Variants in ABCB10 observed in about 807,000 individuals in gnomAD.
ABCB10 encodes the protein ATP-binding cassette sub-family B member 10, mitochondrial.
Under a neutral mutation model 65.4 loss-of-function variants are expected in ABCB10, and 54 were observed. That is an observed-to-expected ratio of 0.83 (90% CI 0.66 to 1.04). The LOEUF (loss-of-function observed/expected upper bound fraction) is 1.04, where lower values mean the gene tolerates loss of function less well. Among genes scored for constraint, ABCB10 ranks in the 50% least tolerant of loss-of-function variants. The pLI is 0.00. For synonymous variants in ABCB10, 418 were observed against 406.5 expected (o/e 1.03, Z -0.34); for missense variants, 846 against 976.6 (o/e 0.87, Z 1.78).
intron 3 of ABCB10, 106 bp from the exon 4 acceptor site, chr1:229,542,477 G>A (rs1427116308): frequency 1.5e-6 from 2 of 1,348,314 alleles, no homozygotes; most frequent in African/African-American, 1.5e-5. Context: ...CTGTGTGTGT[G>A]TGTGTTTAAA....
In ABCB10 at chr1:229,557,197, G is replaced by A. The variant is rs144061261; in HGVS notation, c.517+939C>T. On this transcript the variant is annotated intron_variant, in intron 1 of 12. Transcript: ENST00000344517. ...TCTAAAGCAATGGATTTGCAGCAAA[G>A]AATGCTTTTCTGGTGTTGCACCTGA... 4.6e-5 allele frequency among the ~76,000 whole-genome samples: 7 copies of A among 150,974 alleles called. No homozygotes were observed. The East Asian group carries it at 9.7e-4, about 21-fold the overall frequency.
chr1:229,533,872 G>A (rs1679875958), intron 6 of ABCB10, among the ~76,000 whole-genome samples: 1 of 151,612 alleles, frequency 6.6e-6, no homozygotes, highest in Non-Finnish European at 1.5e-5. Context: ...CCTTGAATTT[G>A]GTGATGACTT....
Position 229,540,754 on chromosome 1 carries a change from T to C in ABCB10, c.1057-2A>G. Reference sequence around the variant, plus strand: ...ATTTCCAATACGTTCCTCAGCTAGCTGGGAGAATAATAAATACATTTCAGG... The same window carrying C: ...ATTTCCAATACGTTCCTCAGCTAGCCGGGAGAATAATAAATACATTTCAGG... On this transcript the variant is annotated splice_acceptor_variant, in intron 4 of 12. Coordinates refer to ENST00000344517, the MANE Select transcript of ABCB10 (RefSeq NM_012089.3). LOFTEE classifies it high-confidence loss of function. 6.2e-7 allele frequency: 1 copy of C among 1,611,438 alleles called. No homozygotes were observed. Among genetic ancestry groups the C allele is most frequent in the Non-Finnish European group, 8.5e-7 (1 of 1,179,346 alleles).
chr1:229,558,681 C>G lies in ABCB10; in HGVS notation c.-29G>C. ...GCTGCGTGCGACCCGTACGCCTCAG[C>G]CCGCCGGCCAGGCGCGCGCAAAGCC... On this transcript the variant is annotated 5_prime_UTR_variant, in exon 1 of 13. Coordinates refer to ENST00000344517, the MANE Select transcript of ABCB10 (RefSeq NM_012089.3). 7.9e-7 allele frequency: 1 copy of G among 1,266,876 alleles called. No individual in the cohort carries two copies. Among genetic ancestry groups the G allele is most frequent in the South Asian group, 2.5e-5 (1 of 40,640 alleles). 78.5% of individuals were successfully genotyped at this position (1,266,876 alleles called of 1,614,324 possible). A position where few individuals can be genotyped will look rare whatever the true frequency, so the allele number is the denominator to read the frequency against.
intron 1 of ABCB10, chr1:229,550,019 G>C (rs1021242420): frequency 5.2e-5 from 8 of 152,468 alleles, no homozygotes; most frequent in African/African-American, 9.7e-5. Context: ...AGGTGCTGCA[G>C]GCTTTAAACA....
At position 229,516,863 on chromosome 1, in the gene ABCB10, CATTA is replaced by C. The variant is rs1401234874; in HGVS notation, c.*1312_*1315del. The C allele has an allele frequency of 2.0e-5, 3 of 152,120 alleles. No homozygotes were observed. Among genetic ancestry groups the C allele is most frequent in the Admixed American group, 6.5e-5 (1 of 15,276 alleles). 9.4% of individuals were successfully genotyped at this position (152,120 alleles called of 1,614,324 possible). ...TATATTCATTCATATCAATTTTATT[CATTA>C]ATTATGAACAATAAAATATAATATT... On this transcript the variant is annotated 3_prime_UTR_variant, in exon 13 of 13. Coordinates refer to ENST00000344517, the MANE Select transcript of ABCB10 (RefSeq NM_012089.3).
chr1:229,541,276 G>C (rs1277908841), intron 4 of ABCB10, among the ~76,000 whole-genome samples: 1 of 152,018 alleles, frequency 6.6e-6, no homozygotes, highest in African/African-American at 2.4e-5. Flanking sequence ...ACCCAGGCTG[G>C]AGTGCAATGG....
intron 1 of ABCB10, among the ~76,000 whole-genome samples, chr1:229,554,728 C>CGCACATCCCT (rs1342106472): frequency 1.3e-5 from 2 of 152,254 alleles, no homozygotes; most frequent in African/African-American, 4.8e-5. Context: ...CTGTAGCACA[C>CGCACATCCCT]GCACATCCCT....
chr1:229,519,032 T>A, intron 11 of ABCB10, 157 bp from the exon 12 acceptor site: 2 of 574,008 alleles, frequency 3.5e-6, no homozygotes, highest in Non-Finnish European at 6.0e-6. Context: ...AAGAATCACA[T>A]ACTGTATGAG....
intron 5 of ABCB10, among the ~76,000 whole-genome samples, chr1:229,540,230 T>TA: frequency 6.6e-6 from 1 of 152,240 alleles, no homozygotes; most frequent in East Asian, 1.9e-4. Flanking sequence ...GGTTAATCCT[T>TA]AGACTTTGCT....
chr1:229,520,176 A>G (rs987328820), intron 11 of ABCB10, among the ~76,000 whole-genome samples: 2 of 152,016 alleles, frequency 1.3e-5, no homozygotes, highest in Admixed American at 6.6e-5. Flanking sequence ...AGATATGTCT[A>G]TAACTTTCAA....
In ABCB10 at chr1:229,530,290, C is replaced by T. The variant is rs140426197; in HGVS notation, c.1554G>A (p.Pro518=). The part of the protein sequence containing the change: ...PIFQDFSLSI[P]SGSVTALVGP... ...CAACCAGTGCCGTGACAGATCCTGA[C>T]GGAATGGAAAGGCTGAAATCCTGAA... Residue 518 remains proline, a synonymous_variant, in exon 8 of 13, where the codon CCG becomes CCA. Coordinates refer to ENST00000344517, the MANE Select transcript of ABCB10 (RefSeq NM_012089.3). 4.8e-3 allele frequency: 7,801 copies of T among 1,614,040 alleles called. 31 individuals carry two copies. The highest frequency in any genetic ancestry group is 8.0e-3 in the South Asian group (730 of 91,082).
chr1:229,549,466 T>C (rs1558128807), intron 1 of ABCB10, 32 bp from the exon 2 acceptor site: 2 of 1,596,010 alleles, frequency 1.3e-6, no homozygotes, highest in Non-Finnish European at 1.7e-6. Flanking sequence ...AATGTTCAGG[T>C]TGCTTCAGCA....
Position 229,558,364 on chromosome 1 carries a change from G to A in ABCB10, c.289C>T (p.Pro97Ser). Reference protein sequence around the residue: ...ARLLGLWARGPGSCRCGAFAG... With the variant: ...ARLLGLWARGSGSCRCGAFAG... ...AAAGCCCCGCACCTGCAGCTGCCGG[G>A]GCCGCGAGCCCACAGCCCCAGGAGC... The change falls in exon 1 of 13, where the codon CCC becomes TCC. Residue 97 changes from proline (P) to serine (S), a missense_variant. Transcript: ENST00000344517. The A allele has an allele frequency of 1.6e-6, 2 of 1,252,378 alleles. No homozygotes were observed. The highest frequency in any genetic ancestry group is 2.0e-6 in the Non-Finnish European group (2 of 987,166). The allele number at this position is 1,252,378 out of a possible 1,614,324, so 77.6% of individuals were successfully genotyped here. A position where few individuals can be genotyped will look rare whatever the true frequency, so the allele number is the denominator to read the frequency against.
chr1:229,532,010 T>G, intron 6 of ABCB10: 1 of 235,970 alleles, frequency 4.2e-6, no homozygotes, highest in South Asian at 8.1e-5. Context: ...TGGAGTGCAC[T>G]GGCACAATCT....
At chr1:229,556,101 G>A (rs1360974304) in intron 1 of ABCB10, among the ~76,000 whole-genome samples, 5 of 152,144 alleles carry the variant, frequency 3.3e-5, no homozygotes. Context: ...AAGGCCGGGT[G>A]CAGTGGCTCA....
intron 6 of ABCB10, among the ~76,000 whole-genome samples, chr1:229,534,054 G>A (rs1285721491): frequency 2.0e-5 from 3 of 152,142 alleles, no homozygotes; most frequent in East Asian, 1.9e-4. Context: ...CAAAATATAC[G>A]AAGAACTCTT....
intron 10 of ABCB10, 149 bp from the exon 11 acceptor site, chr1:229,521,784 A>G: frequency 2.8e-6 from 2 of 703,626 alleles, no homozygotes; most frequent in Non-Finnish European, 4.7e-6. Flanking sequence ...TTTAAAATAT[A>G]GGTTTAAAAT....
At chr1:229,518,431 C>G (rs1254158266) in intron 12 of ABCB10, 21 bp from the exon 13 acceptor site, 1 of 1,604,810 alleles carries the variant, frequency 6.2e-7, no homozygotes, top group Non-Finnish European at 8.5e-7. Context: ...AGCACACACA[C>G]AAGAAAGCAA....
Sources: allele counts gnomAD v4.1 joint callset (sites outside exome capture counted in the v4.1 genomes callset), GRCh38; gene constraint gnomAD v4.1.1; transcripts MANE v1.5; gene names NCBI Gene and HGNC (gene_info 2026-07-23, HGNC 2026-07-21).